Variants in ETV6 observed in about 807,000 individuals in gnomAD.
ETV6 encodes ETS variant transcription factor 6.
Under a neutral mutation model 51.1 loss-of-function variants are expected in ETV6, and 16 were observed. That is an observed-to-expected ratio of 0.31 (90% CI 0.21 to 0.48). The LOEUF (loss-of-function observed/expected upper bound fraction) is 0.48, where lower values mean the gene tolerates loss of function less well. Among genes scored for constraint, ETV6 ranks in the 20% least tolerant of loss-of-function variants. The pLI is 0.99. For synonymous variants in ETV6, 240 were observed against 224.1 expected (o/e 1.07, Z -0.64); for missense variants, 458 against 594.8 (o/e 0.77, Z 2.39).
At chr12:11,657,032 C>T (rs1864012113) in intron 1 of ETV6, among the ~76,000 whole-genome samples, 1 of 152,184 alleles carries the variant, frequency 6.6e-6, no homozygotes, top group East Asian at 1.9e-4. Flanking sequence ...GTTCTAATTT[C>T]CTGGAATGAA....
chr12:11,792,427 G>A (rs998037998), intron 2 of ETV6, among the ~76,000 whole-genome samples: 1 of 152,148 alleles, frequency 6.6e-6, no homozygotes, highest in Non-Finnish European at 1.5e-5. Flanking sequence ...GGTGGCTCAC[G>A]CCTGTAATCT....
intron 1 of ETV6, among the ~76,000 whole-genome samples, chr12:11,665,404 GCA>G (rs907073966): frequency 1.2e-4 from 18 of 152,300 alleles, no homozygotes; most frequent in African/African-American, 2.6e-4. Flanking sequence ...TTGCTGCTGG[GCA>G]CAGTGTTCCC....
intron 2 of ETV6, among the ~76,000 whole-genome samples, chr12:11,778,513 G>A (rs749730752): frequency 2.0e-4 from 30 of 152,296 alleles, no homozygotes; most frequent in Non-Finnish European, 4.0e-4. Flanking sequence ...CAATATATGC[G>A]TGTTGAATCA....
intron 2 of ETV6, among the ~76,000 whole-genome samples, chr12:11,817,011 T>C (rs1946003765): frequency 6.6e-6 from 1 of 152,134 alleles, no homozygotes; most frequent in African/African-American, 2.4e-5. Flanking sequence ...TTCCAGCCCT[T>C]AGAAGCCTCT....
rs925571477 is a variant in ETV6, at chr12:11,740,738, G to A, written c.34-11712G>A. Reference sequence around the variant, plus strand: ...TAAGGAAGGAGTAAATAAATACGCCGGGTTCTTGAGTAAACTACTTTTACC... The same window carrying A: ...TAAGGAAGGAGTAAATAAATACGCCAGGTTCTTGAGTAAACTACTTTTACC... On this transcript the variant is annotated intron_variant, in intron 1 of 7. Coordinates refer to ENST00000396373, the MANE Select transcript of ETV6 (RefSeq NM_001987.5). Among the ~76,000 whole-genome samples the A allele has an allele frequency of 3.3e-5, 5 of 152,204 alleles. 1 individual carries two copies. Among genetic ancestry groups the A allele is most frequent in the Admixed American group, 6.5e-5 (1 of 15,294 alleles).
intron 2 of ETV6, among the ~76,000 whole-genome samples, chr12:11,809,402 T>C (rs565041422): frequency 6.6e-6 from 1 of 152,272 alleles, no homozygotes; most frequent in East Asian, 1.9e-4. Context: ...TATTTAGCCA[T>C]AGCTAAAGGA....
chr12:11,841,910 G>A (rs1418345860), intron 3 of ETV6, among the ~76,000 whole-genome samples: 1 of 151,778 alleles, frequency 6.6e-6, no homozygotes, highest in Non-Finnish European at 1.5e-5. Flanking sequence ...GTGAAACCCC[G>A]TCTCTCCTAA....
chr12:11,859,894 G>A (rs1159708243), intron 4 of ETV6, among the ~76,000 whole-genome samples: 2 of 152,188 alleles, frequency 1.3e-5, no homozygotes, highest in African/African-American at 4.8e-5. Flanking sequence ...ACTAAACAAT[G>A]TCAAAGATGA....
chr12:11,788,808 A>G (rs575752584), intron 2 of ETV6, among the ~76,000 whole-genome samples: 2 of 136,692 alleles, frequency 1.5e-5, no homozygotes, highest in South Asian at 4.7e-4. Context: ...ATTTCACTGT[A>G]GGAAATGACA....
intron 2 of ETV6, among the ~76,000 whole-genome samples, chr12:11,820,649 C>T (rs1032977726): frequency 1.3e-5 from 2 of 151,834 alleles, no homozygotes; most frequent in African/African-American, 4.8e-5. Flanking sequence ...GAGAGGTCAG[C>T]GTGGCTGGAG....
At chr12:11,702,046 A>G (rs1864993223) in intron 1 of ETV6, among the ~76,000 whole-genome samples, 1 of 152,128 alleles carries the variant, frequency 6.6e-6, no homozygotes, top group Admixed American at 6.5e-5. Context: ...GGGTACAGGT[A>G]ACTTGGAGGC....
intron 2 of ETV6, among the ~76,000 whole-genome samples, chr12:11,778,904 C>A (rs1437175644): frequency 6.6e-6 from 1 of 152,190 alleles, no homozygotes; most frequent in African/African-American, 2.4e-5. Flanking sequence ...CCTAGGGCTG[C>A]CCCCTTATTG....
In ETV6 at chr12:11,891,728, C is replaced by T; in HGVS notation, c.*682C>T. 1 of 427,006 alleles carries T rather than the reference C, an allele frequency of 2.3e-6. No individual in the cohort carries two copies. 26.5% of individuals were successfully genotyped at this position (427,006 alleles called of 1,614,324 possible). ...CCTGCAGTTGAGATTCAGATGCCTTCTGACAGAGTTCAGCCTCTTGGAGAG... is the reference window on the plus strand; with the variant it reads ...CCTGCAGTTGAGATTCAGATGCCTTTTGACAGAGTTCAGCCTCTTGGAGAG... On this transcript the variant is annotated 3_prime_UTR_variant, in exon 8 of 8. Coordinates refer to ENST00000396373, the MANE Select transcript of ETV6 (RefSeq NM_001987.5).
At chr12:11,886,087 G>A in intron 7 of ETV6, 61 bp downstream of exon 7, 1 of 1,178,876 alleles carries the variant, frequency 8.5e-7, no homozygotes. Flanking sequence ...TTAAATAACG[G>A]GGAGTGGGGG....
At chr12:11,870,684 T>TAGA (rs1178425384) in intron 5 of ETV6, among the ~76,000 whole-genome samples, 3 of 152,218 alleles carry the variant, frequency 2.0e-5, no homozygotes, top group Non-Finnish European at 2.9e-5. Context: ...ATTTCTCCAT[T>TAGA]AGATATTTGT....
chr12:11,813,787 A>G (rs953762202), intron 2 of ETV6, among the ~76,000 whole-genome samples: 1 of 152,266 alleles, frequency 6.6e-6, no homozygotes, highest in African/African-American at 2.4e-5. Context: ...GGACAGGCCA[A>G]AGAAATCTTC....
At chr12:11,737,520 T>C (rs192627043) in intron 1 of ETV6, among the ~76,000 whole-genome samples, 1 of 152,226 alleles carries the variant, frequency 6.6e-6, no homozygotes, top group Non-Finnish European at 1.5e-5. Context: ...GAGGCAAGCC[T>C]CTGAAAATTA....
intron 1 of ETV6, among the ~76,000 whole-genome samples, chr12:11,675,331 C>T (rs553017664): frequency 1.8e-3 from 277 of 152,322 alleles, no homozygotes; most frequent in Admixed American, 3.7e-3. Context: ...CCCTGGAAAT[C>T]CTATAGTTAT....
At chr12:11,853,621 T>A (rs148810203) in intron 4 of ETV6, 60 bp downstream of exon 4, 37 of 1,582,898 alleles carry the variant, frequency 2.3e-5, no homozygotes, top group Middle Eastern at 3.4e-4. Context: ...GAAGTTTAAT[T>A]GTTAACTTGA....
Sources: gnomAD v4.1 joint callset for allele counts (sites outside exome capture counted in the v4.1 genomes callset) on GRCh38, gnomAD v4.1.1 for gene constraint, MANE v1.5 for transcripts, NCBI Gene and HGNC (gene_info 2026-07-23, HGNC 2026-07-21) for gene names.